The following RAE1 variants were observed in gnomAD, a reference collection of about 807,000 sequenced individuals.
RAE1 encodes ribonucleic acid export 1, also known as mRNA export factor RAE1.
Under a neutral mutation model 52.7 loss-of-function variants are expected in RAE1, and 13 were observed. The observed-to-expected ratio is 0.25, with a 90% confidence interval of 0.16 to 0.39. The LOEUF (loss-of-function observed/expected upper bound fraction) is 0.39, where lower values mean the gene tolerates loss of function less well. RAE1 is among the 10% of genes least tolerant of loss of function. RAE1 has a pLI of 1.00. For synonymous variants in RAE1, 164 were observed against 153.1 expected, an observed-to-expected ratio of 1.07 and a Z score of -0.52; for missense variants, 262 against 459.8, an observed-to-expected ratio of 0.57 and a Z score of 3.93.
intron 4 of RAE1, chr20:57,358,729 G>T: frequency 2.8e-6 from 1 of 354,656 alleles, no homozygotes; most frequent in Non-Finnish European, 5.1e-6. Flanking sequence ...CTCTAGTATA[G>T]GATTGCGCTG....
chr20:57,369,457 A>G (rs1390333590), intron 8 of RAE1, among the ~76,000 whole-genome samples: 1 of 152,238 alleles, frequency 6.6e-6, no homozygotes, highest in Non-Finnish European at 1.5e-5. Context: ...CCTTGGAGAA[A>G]GCCTGGCTGC....
At chr20:57,352,192 A>C (rs1280356651) in intron 1 of RAE1, among the ~76,000 whole-genome samples, 2 of 152,254 alleles carry the variant, frequency 1.3e-5, no homozygotes, top group Non-Finnish European at 2.9e-5. Context: ...TCAACCATTG[A>C]AAGTGTATAT....
At chr20:57,359,052 C>T (rs1175373087) in intron 4 of RAE1, 1 of 1,496,632 alleles carries the variant, frequency 6.7e-7, no homozygotes, top group Non-Finnish European at 8.9e-7. Flanking sequence ...ATTCAAGTCC[C>T]TATTTAGAGA....
intron 7 of RAE1, among the ~76,000 whole-genome samples, chr20:57,367,739 CAAAA>C (rs374097734): frequency 1.0e-4 from 7 of 68,112 alleles, no homozygotes; most frequent in South Asian, 5.7e-4. Context: ...GATACTATCT[CAAAA>C]AAAAAAAAAA....
rs984361621 is a variant in RAE1, at chr20:57,377,898, C to G, written c.1021-115C>G. ...ACTTTATCTTTGTTGTTTTATTTCT[C>G]TGAGAGATTATATGTTTCCAGTATT... On this transcript the variant is annotated intron_variant, in intron 11 of 11. Transcript: ENST00000395841. The G allele has an allele frequency of 4.0e-5, 28 of 702,086 alleles. No homozygotes were observed. The African/African-American group carries it at 5.0e-4, about 13-fold the overall frequency. The allele number at this position is 702,086 out of a possible 1,614,324, so 43.5% of individuals were successfully genotyped here.
chr20:57,373,188 C>A (rs2067061718), intron 8 of RAE1: 1 of 403,824 alleles, frequency 2.5e-6, no homozygotes, highest in African/African-American at 2.1e-5. Flanking sequence ...GTCTGCCTCG[C>A]AGCCCATGGG....
At chr20:57,357,551 T>G (rs4811839) in intron 4 of RAE1, 80,590 of 151,996 alleles carry the variant, frequency 0.53, 25,252 homozygotes, top group African/African-American at 0.88. Context: ...GGTATTGGGG[T>G]TATGCCATTC....
chr20:57,372,674 C>A (rs540194424), intron 8 of RAE1: 2 of 152,256 alleles, frequency 1.3e-5, no homozygotes, highest in Non-Finnish European at 2.9e-5. Context: ...ACTTAGGAAA[C>A]GTGCATCACC....
chr20:57,365,290 TA>T, intron 4 of RAE1, 65 bp from the exon 5 acceptor site: 1 of 1,193,806 alleles, frequency 8.4e-7, no homozygotes, highest in Non-Finnish European at 1.2e-6. Flanking sequence ...ACGTAGTATC[TA>T]AATATATATA....
intron 10 of RAE1, 123 bp from the exon 11 acceptor site, chr20:57,374,484 C>T: frequency 1.1e-6 from 1 of 892,094 alleles, no homozygotes; most frequent in Non-Finnish European, 1.7e-6. Flanking sequence ...TATCAGCGGG[C>T]AGCAGCTGGA....
At chr20:57,351,821 A>G (rs1600700017) in intron 1 of RAE1, 1 of 985,442 alleles carries the variant, frequency 1.0e-6, no homozygotes, top group Non-Finnish European at 1.2e-6. Context: ...CTTTCGTAGC[A>G]GTTACCAGTC....
At chr20:57,374,383 G>A (rs2067080805) in intron 10 of RAE1, among the ~76,000 whole-genome samples, 1 of 152,196 alleles carries the variant, frequency 6.6e-6, no homozygotes, top group South Asian at 2.1e-4. Flanking sequence ...CTGTCCACAT[G>A]CTCACTTTCT....
At chr20:57,356,412 G>T in intron 3 of RAE1, 34 bp from the exon 4 acceptor site, 1 of 1,548,156 alleles carries the variant, frequency 6.5e-7, no homozygotes, top group Non-Finnish European at 8.9e-7. Flanking sequence ...CATCGTAATT[G>T]CTTTGTTTGC....
chr20:57,354,446 A>G (rs537502353), intron 2 of RAE1, among the ~76,000 whole-genome samples: 24 of 152,340 alleles, frequency 1.6e-4, no homozygotes, highest in Admixed American at 7.2e-4. Context: ...ACTGTGATCT[A>G]GCACTGTGGG....
At chr20:57,373,866 G>T (rs976024572) in intron 10 of RAE1, 128 bp downstream of exon 10, 4 of 992,212 alleles carry the variant, frequency 4.0e-6, no homozygotes, top group African/African-American at 1.6e-5. Context: ...GAGATAAGTG[G>T]CTTATGCTGT....
intron 4 of RAE1, chr20:57,359,159 G>A (rs1212858174): frequency 1.7e-5 from 10 of 593,918 alleles, no homozygotes; most frequent in Non-Finnish European, 2.3e-5. Flanking sequence ...AATGCTAGAG[G>A]TGATGTTTTT....
chr20:57,363,832 A>G (rs970967781), intron 4 of RAE1, among the ~76,000 whole-genome samples: 1 of 152,254 alleles, frequency 6.6e-6, no homozygotes, highest in Admixed American at 6.5e-5. Flanking sequence ...TCTGAAACTC[A>G]TGATCTCTTA....
intron 11 of RAE1, 153 bp downstream of exon 11, chr20:57,374,954 C>T (rs565874724): frequency 2.4e-6 from 2 of 838,430 alleles, no homozygotes; most frequent in Admixed American, 2.0e-5. Flanking sequence ...AATTGCAGGA[C>T]TTCCTCAAAT....
At chr20:57,366,108 T>C (rs1315755714) in intron 5 of RAE1, among the ~76,000 whole-genome samples, 2 of 152,154 alleles carry the variant, frequency 1.3e-5, no homozygotes, top group African/African-American at 4.8e-5. Flanking sequence ...CCTCAGTGAG[T>C]AAAACTGTGG....
Sources: allele counts gnomAD v4.1 joint callset (sites outside exome capture counted in the v4.1 genomes callset), GRCh38; gene constraint gnomAD v4.1.1; transcripts MANE v1.5; gene names NCBI Gene and HGNC (gene_info 2026-07-23, HGNC 2026-07-21).